The following RPH3AL variants were observed in gnomAD, a reference collection of about 807,000 sequenced individuals.
The protein encoded by RPH3AL is rab effector Noc2.
Under a neutral mutation model 43.1 loss-of-function variants are expected in RPH3AL, and 38 were observed. That is an observed-to-expected ratio of 0.88 (90% confidence interval 0.68 to 1.15). RPH3AL has a LOEUF of 1.15. RPH3AL is among the 50% of genes most tolerant of loss of function. The pLI is 0.00. For synonymous variants in RPH3AL, 189 were observed against 176.3 expected, an observed-to-expected ratio of 1.07 and a Z score of -0.57; for missense variants, 462 against 423.2, an observed-to-expected ratio of 1.09 and a Z score of -0.81.
At chr17:315,286 GCCCCCA>G (rs1567509858) in intron 5 of RPH3AL, among the ~76,000 whole-genome samples, 1 of 82,924 alleles carries the variant, frequency 1.2e-5, no homozygotes, top group African/African-American at 4.7e-5. Context: ...TAGTCCCTGT[GCCCCCA>G]CCTCCAGTGA....
At chr17:268,560 T>TTG (rs1398817857) in intron 6 of RPH3AL, among the ~76,000 whole-genome samples, 1,918 of 131,012 alleles carry the variant, frequency 0.015, 29 homozygotes, top group Admixed American at 0.022. Context: ...TGGGTTTTTT[T>TTG]TTTTTTTTTT....
rs966124178 is a variant in RPH3AL, at chr17:346,106, G to T, written c.-213+6606C>A. ...CTTTCAAAGTAACCCTATGAGGCAG[G>T]TTTTAACAACCCCATTGTACAGGTG... On this transcript the variant is annotated intron_variant, in intron 1 of 9. Transcript: ENST00000331302. 3.0e-5 allele frequency among the ~76,000 whole-genome samples: 4 copies of T among 134,964 alleles called. 1 individual carries two copies. Among genetic ancestry groups the T allele is most frequent in the Non-Finnish European group, 6.7e-5 (4 of 59,276 alleles). 88.5% of individuals were successfully genotyped at this position (134,964 alleles called of 152,430 possible).
intron 6 of RPH3AL, among the ~76,000 whole-genome samples, chr17:277,516 T>A (rs1168988739): frequency 6.6e-6 from 1 of 151,782 alleles, no homozygotes; most frequent in Non-Finnish European, 1.5e-5. Flanking sequence ...ATAAGAAAAA[T>A]AAAATACTAT....
intron 5 of RPH3AL, among the ~76,000 whole-genome samples, chr17:312,352 A>C (rs952443556): frequency 2.0e-5 from 3 of 152,186 alleles, no homozygotes; most frequent in African/African-American, 7.2e-5. Flanking sequence ...TCCTCCTGCC[A>C]CACGAGGACA....
At chr17:331,666 C>T (rs1417526156) in intron 2 of RPH3AL, 1 of 1,287,934 alleles carries the variant, frequency 7.8e-7, no homozygotes, top group Non-Finnish European at 1.0e-6. Context: ...CCTGACTCGG[C>T]AGCAAGGAGG....
At chr17:313,449 G>A (rs982794148) in intron 5 of RPH3AL, among the ~76,000 whole-genome samples, 9 of 152,194 alleles carry the variant, frequency 5.9e-5, no homozygotes, top group African/African-American at 1.9e-4. Context: ...TGCCCAGCTC[G>A]TTCCTGCCTC....
At chr17:286,071 T>G (rs1363668221) in intron 5 of RPH3AL, among the ~76,000 whole-genome samples, 1 of 152,108 alleles carries the variant, frequency 6.6e-6, no homozygotes, top group African/African-American at 2.4e-5. Context: ...TCGGCTGCCC[T>G]GTGGGGGGGT....
At chr17:351,056 T>C (rs1002140574) in intron 1 of RPH3AL, among the ~76,000 whole-genome samples, 2 of 152,134 alleles carry the variant, frequency 1.3e-5, no homozygotes, top group African/African-American at 4.8e-5. Context: ...ATGTACAACT[T>C]CTGAACTGTA....
At chr17:216,833 T>G (rs1327305503) in intron 8 of RPH3AL, among the ~76,000 whole-genome samples, 1 of 152,140 alleles carries the variant, frequency 6.6e-6, no homozygotes, top group Non-Finnish European at 1.5e-5. Context: ...AAGAGTATCA[T>G]GATCACCTAG....
chr17:317,426 T>G (rs1302214504), intron 5 of RPH3AL, among the ~76,000 whole-genome samples: 1 of 143,752 alleles, frequency 7.0e-6, no homozygotes, highest in East Asian at 2.1e-4. Context: ...GCTCCACACC[T>G]CCATTGACCT....
chr17:234,864 G>A (rs1010776996), intron 7 of RPH3AL, among the ~76,000 whole-genome samples: 3 of 152,236 alleles, frequency 2.0e-5, no homozygotes, highest in Non-Finnish European at 4.4e-5. Context: ...GACAGAGAGA[G>A]AAGGAAGGCG....
At chr17:230,842 T>G (rs4550502) in intron 7 of RPH3AL, among the ~76,000 whole-genome samples, 122,432 of 151,888 alleles carry the variant, frequency 0.81, 49,707 homozygotes, top group African/African-American at 0.9. Context: ...TCCCTTGTTT[T>G]TTGTTGTTGT....
At position 219,291 on chromosome 17, in the gene RPH3AL, T is replaced by C. The variant is rs1172694263; in HGVS notation, c.727+332A>G. On this transcript the variant is annotated intron_variant, in intron 8 of 9. Transcript: ENST00000331302. Reference sequence around the variant, plus strand: ...TGGGCTCACATCAACCTCCACCCCCTGGATTCAGGCAATTCTCCTGTCTCA... The same window carrying C: ...TGGGCTCACATCAACCTCCACCCCCCGGATTCAGGCAATTCTCCTGTCTCA... Among the ~76,000 whole-genome samples the C allele has an allele frequency of 2.5e-5, 3 of 121,428 alleles. No homozygotes were observed. In the East Asian group the frequency reaches 8.7e-4, roughly 35 times the overall value. The allele number at this position is 121,428 out of a possible 152,430, so 79.7% of individuals were successfully genotyped here.
At chr17:292,483 T>C (rs1252709089) in intron 5 of RPH3AL, among the ~76,000 whole-genome samples, 1 of 152,234 alleles carries the variant, frequency 6.6e-6, no homozygotes, top group African/African-American at 2.4e-5. Context: ...AAAACAGCCC[T>C]ATGGGGTGGG....
chr17:272,727 G>A (rs1249830389), intron 6 of RPH3AL, among the ~76,000 whole-genome samples: 1 of 150,128 alleles, frequency 6.7e-6, no homozygotes, highest in East Asian at 2.0e-4. Flanking sequence ...TGCACATTGA[G>A]CACATGTACC....
intron 6 of RPH3AL, among the ~76,000 whole-genome samples, chr17:251,384 C>CCCCA (rs2041898517): frequency 6.6e-6 from 1 of 152,196 alleles, no homozygotes; most frequent in Non-Finnish European, 1.5e-5. Context: ...ATCGAAGAAG[C>CCCCA]TTATTATCTC....
chr17:300,813 CTT>C (rs1261237792), intron 5 of RPH3AL, among the ~76,000 whole-genome samples: 4 of 140,828 alleles, frequency 2.8e-5, no homozygotes, highest in Admixed American at 2.7e-4. Context: ...CGCAGAATCT[CTT>C]ACCCGCTCTA....
At chr17:253,497 C>T (rs1453881922) in intron 6 of RPH3AL, among the ~76,000 whole-genome samples, 1 of 152,144 alleles carries the variant, frequency 6.6e-6, no homozygotes, top group Non-Finnish European at 1.5e-5. Flanking sequence ...ATGCGCAATC[C>T]TTTTTTAAAA....
In RPH3AL at chr17:265,612, T is replaced by A. The variant is rs547130095; in HGVS notation, c.438+16156A>T. 2.7e-4 allele frequency among the ~76,000 whole-genome samples: 41 copies of A among 152,248 alleles called. 1 individual carries two copies. The highest frequency in any genetic ancestry group is 5.3e-4 in the Non-Finnish European group (36 of 68,048). On this transcript the variant is annotated intron_variant, in intron 6 of 9. Transcript: ENST00000331302. ...TGTTTATAATTTCTCCTTGTTGTTG[T>A]CCTTTTCCTTTCAGTAGGAATTAAG... is the stretch of plus-strand genomic sequence containing the variant.
Sources: allele counts gnomAD v4.1 joint callset (sites outside exome capture counted in the v4.1 genomes callset), GRCh38; gene constraint gnomAD v4.1.1; transcripts MANE v1.5; gene names NCBI Gene and HGNC (gene_info 2026-07-23, HGNC 2026-07-21).